MYH14: variants seen among roughly 807,000 people sequenced by gnomAD.
MYH14 encodes myosin heavy chain 14.
Under a neutral mutation model 255.5 loss-of-function variants are expected in MYH14, and 123 were observed. That is an observed-to-expected ratio of 0.48 (90% confidence interval 0.42 to 0.56). The LOEUF is 0.56. Among genes scored for constraint, MYH14 ranks in the 20% least tolerant of loss-of-function variants. MYH14 has a pLI of 0.00. For synonymous variants in MYH14, 1,095 were observed against 1,161.2 expected, an observed-to-expected ratio of 0.94 and a Z score of 1.16; for missense variants, 2,423 against 2,802.3, an observed-to-expected ratio of 0.86 and a Z score of 3.06.
chr19:50,238,985 G>C (rs582078), intron 10 of MYH14, among the ~76,000 whole-genome samples: 1 of 152,168 alleles, frequency 6.6e-6, no homozygotes, highest in Non-Finnish European at 1.5e-5. Context: ...ACAGACCTTA[G>C]GCCAGTTGTC....
chr19:50,290,837 G>A (rs966374208), intron 35 of MYH14, 50 bp from the exon 36 acceptor site: 52 of 1,535,406 alleles, frequency 3.4e-5, no homozygotes, highest in Non-Finnish European at 4.6e-5. Context: ...CACACAGAGG[G>A]AGGCTGGGCT....
rs199915414 is a variant in MYH14, at chr19:50,291,004, G to C, written c.5083G>C (p.Gly1695Arg). The C allele has an allele frequency of 1.4e-4, 219 of 1,612,458 alleles. No homozygotes were observed. The African/African-American group carries it at 2.2e-3, about 16-fold the overall frequency. Residue 1695 changes from glycine to arginine, a missense_variant, in exon 36 of 43, where the codon GGC (glycine) becomes CGC (arginine). Physicochemically the swap from Gly to Arg is moderately radical, Grantham distance 125 (BLOSUM62 -2). Coordinates refer to ENST00000642316, the MANE Select transcript of MYH14 (RefSeq NM_001145809.2). Reference sequence around the variant, plus strand: ...GCTGAAGGCTCAGATGGCCTCTGCCGGCCAGGGCAAGGAGGAGGCGGTGAA... The same window carrying C: ...GCTGAAGGCTCAGATGGCCTCTGCCCGCCAGGGCAAGGAGGAGGCGGTGAA... ...EELKAQMASA[G>R]QGKEEAVKQL... is the part of the protein sequence containing the mutation.
intron 1 of MYH14, among the ~76,000 whole-genome samples, chr19:50,207,796 T>G (rs1405471908): frequency 6.6e-6 from 1 of 152,068 alleles, no homozygotes; most frequent in Non-Finnish European, 1.5e-5. Context: ...TATCTTAGAG[T>G]AAAAGCAAGG....
In MYH14 at chr19:50,221,275, G is replaced by A. The variant is rs2123196925; in HGVS notation, c.563-1808G>A. 6.6e-6 allele frequency among the ~76,000 whole-genome samples: 1 copy of A among 152,214 alleles called. No individual in the cohort carries two copies. The highest frequency in any genetic ancestry group is 1.9e-4 in the East Asian group (1 of 5,172). On this transcript the variant is annotated intron_variant, in intron 3 of 42. Transcript: ENST00000642316. The surrounding 1 kb of genome is among the most constrained non-coding windows in gnomAD (Gnocchi z 5.3). ...TCAGATGGGAAAACAGAGGCACAAAGCAACTCAGAGACTGGCCCAAGGTCA... is the reference window on the plus strand; with the variant it reads ...TCAGATGGGAAAACAGAGGCACAAAACAACTCAGAGACTGGCCCAAGGTCA...
At chr19:50,255,710 A>G (rs2034568779) in intron 17 of MYH14, among the ~76,000 whole-genome samples, 1 of 152,128 alleles carries the variant, frequency 6.6e-6, no homozygotes, top group Non-Finnish European at 1.5e-5. Flanking sequence ...ATTTGAACCC[A>G]GGACATCAGA....
At position 50,250,668 on chromosome 19, in the gene MYH14, G is replaced by A. The variant is rs772057645; in HGVS notation, c.1810G>A (p.Val604Ile). The change falls in exon 15 of 43, where the codon GTT becomes ATT. Residue 604 changes from valine (V) to isoleucine (I), a missense_variant. Transcript: ENST00000642316. The surrounding 1 kb of genome is among the most constrained non-coding windows in gnomAD (Gnocchi z 5.4). Reference protein sequence around the residue: ...RHLRDQADFSVLHYAGKVDYK... With the variant: ...RHLRDQADFSILHYAGKVDYK... The stretch of plus-strand genomic sequence containing the variant: ...CCTGCGGGATCAGGCCGACTTCAGT[G>A]TTCTCCACTACGCGGGCAAGGTAGG... The A allele has an allele frequency of 6.2e-7, 1 of 1,613,626 alleles. No homozygotes were observed. The highest frequency in any genetic ancestry group is 1.7e-5 in the Admixed American group (1 of 60,028).
At chr19:50,248,713 C>T (rs1396226410) in intron 12 of MYH14, among the ~76,000 whole-genome samples, 4 of 152,250 alleles carry the variant, frequency 2.6e-5, no homozygotes, top group Non-Finnish European at 4.4e-5. Flanking sequence ...AGTCCACGCT[C>T]TTAACCGCTG....
intron 27 of MYH14, among the ~76,000 whole-genome samples, chr19:50,273,601 GGTGTGTGTGTGTGT>G (rs56095197): frequency 7.3e-6 from 1 of 137,476 alleles, no homozygotes; most frequent in Non-Finnish European, 1.6e-5. Context: ...GAACATGGGG[GGTGTGTGTGTGTGT>G]GTGTGTGTGT....
chr19:50,222,202 C>T (rs1327508367), intron 3 of MYH14, among the ~76,000 whole-genome samples: 5 of 152,216 alleles, frequency 3.3e-5, no homozygotes, highest in African/African-American at 9.6e-5. Flanking sequence ...CTGCTTCGGC[C>T]GGGTGCAGTG....
rs1481045241 is a variant in MYH14 at position 50,271,525 on chromosome 19, C to A, written c.3150C>A (p.Asp1050Glu). Reference protein sequence around the residue: ...KFEEDLLLLEDQNSKLSKERK... With the variant: ...KFEEDLLLLEEQNSKLSKERK... ...AAGAGGACCTGCTGCTCCTGGAAGA[C>A]CAGAATTCCAAGCTGAGCAAGGTTG... Residue 1050 changes from aspartate (D) to glutamate (E), a missense_variant, in exon 25 of 43, where the codon GAC (aspartate) becomes GAA (glutamate). By Grantham distance (45) the Asp-to-Glu change is conservative (BLOSUM62 2). This residue lies in a region of MYH14 where 1,513 missense variants were observed against 1,674.8 expected (regional missense o/e 0.90). Coordinates refer to ENST00000642316, the MANE Select transcript of MYH14 (RefSeq NM_001145809.2). 1 of 1,606,180 alleles carries A rather than the reference C, an allele frequency of 6.2e-7. No homozygotes were observed. The highest frequency in any genetic ancestry group is 1.7e-5 in the Admixed American group (1 of 58,638).
chr19:50,272,677 A>G lies in MYH14; in HGVS notation c.3413A>G (p.Glu1138Gly), dbSNP rs781629074. 3 of 1,554,638 alleles carry G rather than the reference A, an allele frequency of 1.9e-6. No individual in the cohort carries two copies. The highest frequency in any genetic ancestry group is 2.6e-6 in the Non-Finnish European group (3 of 1,149,752). Residue 1138 changes from glutamate (E) to glycine (G), a missense_variant, in exon 27 of 43, where the codon GAG (glutamate) becomes GGG (glycine). Glu to Gly is a moderately conservative substitution (Grantham distance 98, BLOSUM62 -2). Around this residue, in one of 3 missense-constraint regions of MYH14, gnomAD observed 1,513 missense variants for 1,674.8 expected, o/e 0.90. Transcript: ENST00000642316. ...QMVEQQQRAEELRAQLGRKEE... is the reference protein window; with the variant it reads ...QMVEQQQRAEGLRAQLGRKEE... Reference sequence around the variant, plus strand: ...GTGGAGCAGCAACAGCGGGCAGAGGAGCTGCGGGCCCAGCTGGGCCGGAAG... The same window carrying G: ...GTGGAGCAGCAACAGCGGGCAGAGGGGCTGCGGGCCCAGCTGGGCCGGAAG...
intron 18 of MYH14, chr19:50,258,767 C>A (rs112408081): frequency 0.16 from 22,584 of 143,914 alleles, 2,174 homozygotes; most frequent in East Asian, 0.3. Context: ...CAAACAAAAA[C>A]CAAAAAAACA....
chr19:50,240,299 G>A (rs1032202228), intron 10 of MYH14, among the ~76,000 whole-genome samples: 14 of 152,156 alleles, frequency 9.2e-5, no homozygotes, highest in African/African-American at 3.1e-4. Context: ...CCTATGCTAC[G>A]CCGGCACGGT....
intron 33 of MYH14, 146 bp from the exon 34 acceptor site, chr19:50,286,336 A>T: frequency 1.3e-6 from 1 of 786,684 alleles, no homozygotes; most frequent in Non-Finnish European, 2.0e-6. Context: ...TGCAACTTTA[A>T]TCCCTCTACC....
chr19:50,227,730 C>T (rs2033178574), intron 8 of MYH14, among the ~76,000 whole-genome samples: 1 of 152,116 alleles, frequency 6.6e-6, no homozygotes, highest in East Asian at 1.9e-4. Context: ...AAAACACAGG[C>T]ACTCTGGGAG....
chr19:50,255,160 C>T (rs2034544564), intron 16 of MYH14, 60 bp from the exon 17 acceptor site: 1 of 1,105,324 alleles, frequency 9.0e-7, no homozygotes, highest in Non-Finnish European at 1.3e-6. Flanking sequence ...ATGCATCTCT[C>T]TCCGCCATCT....
At chr19:50,290,444 C>T (rs2036033598) in intron 35 of MYH14, among the ~76,000 whole-genome samples, 1 of 152,188 alleles carries the variant, frequency 6.6e-6, no homozygotes, top group Admixed American at 6.5e-5. Context: ...CCGCTGGAGC[C>T]ATGTAGGCAA....
intron 34 of MYH14, 38 bp from the exon 35 acceptor site, chr19:50,289,398 C>A: frequency 6.4e-7 from 1 of 1,553,422 alleles, no homozygotes; most frequent in South Asian, 1.2e-5. Flanking sequence ...TCCTCTGCCT[C>A]AGTGACCCAG....
chr19:50,262,100 A>G (rs1019824610), intron 21 of MYH14, among the ~76,000 whole-genome samples: 2 of 152,108 alleles, frequency 1.3e-5, no homozygotes, highest in African/African-American at 4.8e-5. Context: ...GCCCTGCTGC[A>G]GGCCATGACT....
Sources: allele counts gnomAD v4.1 joint callset (sites outside exome capture counted in the v4.1 genomes callset), GRCh38; gene constraint gnomAD v4.1.1; regional missense constraint gnomAD v4.1.1; non-coding constraint Gnocchi (gnomAD v3.1); transcripts MANE v1.5; gene names NCBI Gene and HGNC (gene_info 2026-07-23, HGNC 2026-07-21).